The following ACOD1 variants were observed in gnomAD, a reference collection of about 807,000 sequenced individuals.
ACOD1 encodes the protein aconitate decarboxylase 1, also known as cis-aconitate decarboxylase.
Under a neutral mutation model 14.2 loss-of-function variants are expected in ACOD1, and 14 were observed. The ratio of observed to expected loss-of-function variants is 0.99; its 90% CI spans 0.65 to 1.54. The LOEUF (loss-of-function observed/expected upper bound fraction) is 1.54. Among genes scored for constraint, ACOD1 ranks in the 40% most tolerant of loss-of-function variants. ACOD1 has a pLI of 0.00. For synonymous variants in ACOD1, 182 were observed against 221.7 expected (o/e 0.82, Z 1.59); for missense variants, 530 against 586.3 (o/e 0.90, Z 0.99).
In ACOD1 at chr13:76,957,184, C is replaced by A; in HGVS notation, c.645C>A (p.Ala215=). The stretch of plus-strand genomic sequence containing the variant: ...AGCCCCTCCACATTGGCAATGCTGC[C>A]AAGCATGGGATAGAAGCTGCATTTT... ...QTKPLHIGNA[A]KHGIEAAFLA... Residue 215 remains alanine (A), a synonymous_variant, in exon 5 of 5, where the codon GCC becomes GCA. Transcript: ENST00000377462. The A allele has an allele frequency of 6.4e-7, 1 of 1,550,634 alleles. No individual in the cohort carries two copies. The highest frequency in any genetic ancestry group is 8.7e-7 in the Non-Finnish European group (1 of 1,146,998).
intron 3 of ACOD1, among the ~76,000 whole-genome samples, chr13:76,954,353 G>C (rs2033851334): frequency 6.6e-6 from 1 of 152,128 alleles, no homozygotes; most frequent in African/African-American, 2.4e-5. Flanking sequence ...ACCAGTGACA[G>C]CAAATAGATA....
chr13:76,956,870 C>T (rs1296491277), intron 4 of ACOD1, 140 bp from the exon 5 acceptor site: 1 of 939,940 alleles, frequency 1.1e-6, no homozygotes, highest in Non-Finnish European at 1.6e-6. Context: ...TTCCCCAGAT[C>T]ATATAGCTAA....
In ACOD1 at chr13:76,958,000, T is replaced by G; in HGVS notation, c.*15T>G. ...ATCTCTCCTGAGGCTTACCAACATCTAAATGACTTTGCATTTGGGGAGATT... is the reference window on the plus strand; with the variant it reads ...ATCTCTCCTGAGGCTTACCAACATCGAAATGACTTTGCATTTGGGGAGATT... On this transcript the variant is annotated 3_prime_UTR_variant, in exon 5 of 5. Coordinates refer to ENST00000377462, the MANE Select transcript of ACOD1 (RefSeq NM_001258406.2). The G allele has an allele frequency of 6.7e-7, 1 of 1,485,964 alleles. No homozygotes were observed. The highest frequency in any genetic ancestry group is 8.9e-7 in the Non-Finnish European group (1 of 1,121,246). The allele number at this position is 1,485,964 out of a possible 1,614,324, so 92.0% of individuals were successfully genotyped here.
chr13:76,954,849 C>T (rs2033855347), intron 3 of ACOD1, among the ~76,000 whole-genome samples: 1 of 152,088 alleles, frequency 6.6e-6, no homozygotes, highest in South Asian at 2.1e-4. Context: ...CACAGCCAGG[C>T]CAGGTGTGGT....
intron 1 of ACOD1, among the ~76,000 whole-genome samples, chr13:76,950,086 A>C (rs1055077548): frequency 1.2e-4 from 19 of 152,136 alleles, no homozygotes; most frequent in African/African-American, 4.6e-4. Context: ...AGGCTCTGTA[A>C]ATGGGACTAG....
Position 76,957,824 on chromosome 13 carries a change from A to G in ACOD1, c.1285A>G (p.Met429Val), listed in dbSNP as rs536730743. The G allele has an allele frequency of 1.5e-5, 23 of 1,551,104 alleles. No individual in the cohort carries two copies. In the Middle Eastern group the frequency reaches 5.0e-4, roughly 34 times the overall value. Residue 429 changes from methionine to valine, a missense_variant, in exon 5 of 5, where the codon ATG (methionine) becomes GTG (valine). Physicochemically the swap from Met to Val is conservative, Grantham distance 21 (BLOSUM62 1). Coordinates refer to ENST00000377462, the MANE Select transcript of ACOD1 (RefSeq NM_001258406.2). The part of the protein sequence containing the change: ...EEKFRANASK[M>V]LSWDTVESLI... ...AAAGTTCAGAGCCAATGCCTCCAAG[A>G]TGCTGTCCTGGGACACAGTGGAAAG... is the stretch of plus-strand genomic sequence containing the variant.
In ACOD1 at chr13:76,957,572, G is replaced by A; in HGVS notation, c.1033G>A (p.Gly345Ser). ...QYVACAMLLD[G>S]GITVPSFHEC... ...TGTGGCCTGTGCCATGCTGCTTGAT[G>A]GTGGCATCACTGTCCCCTCATTCCA... Residue 345 changes from glycine (G) to serine (S), a missense_variant, in exon 5 of 5, where the codon GGT becomes AGT. Transcript: ENST00000377462. 1 of 1,550,614 alleles carries A rather than the reference G, an allele frequency of 6.4e-7. No homozygotes were observed.
At chr13:76,953,037 G>A (rs1373445896) in intron 2 of ACOD1, among the ~76,000 whole-genome samples, 1 of 152,194 alleles carries the variant, frequency 6.6e-6, no homozygotes, top group East Asian at 1.9e-4. Flanking sequence ...TACTCGGGAG[G>A]CTGAGAGGTG....
chr13:76,953,802 G>A (rs2033846470), intron 3 of ACOD1, 113 bp downstream of exon 3: 2 of 701,264 alleles, frequency 2.9e-6, no homozygotes, highest in African/African-American at 1.8e-5. Flanking sequence ...AGAACTGAAA[G>A]TCAGACAGAT....
chr13:76,958,153 G>T lies in ACOD1; in HGVS notation c.*168G>T, dbSNP rs992024524. 2 of 611,244 alleles carry T rather than the reference G, an allele frequency of 3.3e-6. No homozygotes were observed. Among genetic ancestry groups the T allele is most frequent in the African/African-American group, 1.9e-5 (1 of 53,860 alleles). 37.9% of individuals were successfully genotyped at this position (611,244 alleles called of 1,614,324 possible). On this transcript the variant is annotated 3_prime_UTR_variant, in exon 5 of 5. Transcript: ENST00000377462. ...GAGCCTTCTCCTGAAAATTTTGCAG[G>T]ACAGTTCCACTTACCTAAATCAAGA...
At chr13:76,949,141 C>T (rs961573958) in intron 1 of ACOD1, among the ~76,000 whole-genome samples, 1 of 152,062 alleles carries the variant, frequency 6.6e-6, no homozygotes, top group Non-Finnish European at 1.5e-5. Flanking sequence ...GTGGCAGGCG[C>T]CCGTAGTCCC....
Position 76,955,671 on chromosome 13 carries a change from T to C in ACOD1, c.470+147T>C, listed in dbSNP as rs954706066. The C allele has an allele frequency of 5.3e-5, 36 of 685,342 alleles. No individual in the cohort carries two copies. In the African/African-American group the frequency reaches 6.3e-4, roughly 12 times the overall value. 42.5% of individuals were successfully genotyped at this position (685,342 alleles called of 1,614,324 possible). A position where few individuals can be genotyped will look rare whatever the true frequency, so the allele number is the denominator to read the frequency against. ...TAGATAAGTCAATACACCAGTCACA[T>C]ACGAAACCCTCTATCCACATTTAAA... On this transcript the variant is annotated intron_variant, in intron 4 of 4. Coordinates refer to ENST00000377462, the MANE Select transcript of ACOD1 (RefSeq NM_001258406.2).
At chr13:76,952,351 TTAAAC>T (rs965651419) in intron 1 of ACOD1, 133 bp from the exon 2 acceptor site, 5 of 697,440 alleles carry the variant, frequency 7.2e-6, no homozygotes, top group Non-Finnish European at 1.2e-5. Context: ...TTTTTAGAAA[TTAAAC>T]TAAATCTGAG....
Position 76,957,903 on chromosome 13 carries a change from C to T in ACOD1, c.1364C>T (p.Thr455Ile). 6.4e-7 allele frequency: 1 copy of T among 1,550,626 alleles called. No homozygotes were observed. ...LEDLEDCSVL[T>I]TLLKGPSPPE... ...GACCTAGAAGACTGTTCTGTGTTAACTACACTTCTCAAAGGACCCTCTCCA... is the reference window on the plus strand; with the variant it reads ...GACCTAGAAGACTGTTCTGTGTTAATTACACTTCTCAAAGGACCCTCTCCA... Residue 455 changes from threonine (T) to isoleucine (I), a missense_variant, in exon 5 of 5, where the codon ACT becomes ATT. By Grantham distance (89) the Thr-to-Ile change is moderately conservative (BLOSUM62 -1). Transcript: ENST00000377462.
At chr13:76,952,723 G>A (rs978104202) in intron 2 of ACOD1, 73 bp downstream of exon 2, 15 of 1,298,010 alleles carry the variant, frequency 1.2e-5, no homozygotes, top group Middle Eastern at 2.4e-4. Flanking sequence ...TCTATACTTC[G>A]TTTTATAGAC....
chr13:76,952,589 T>C lies in ACOD1; in HGVS notation c.113T>C (p.Leu38Pro), dbSNP rs2033832912. 1.0e-5 allele frequency: 16 copies of C among 1,550,388 alleles called. No individual in the cohort carries two copies. The highest frequency in any genetic ancestry group is 1.4e-5 in the Non-Finnish European group (16 of 1,146,992). The change falls in exon 2 of 5, where the codon CTG becomes CCG. Residue 38 changes from leucine (L) to proline (P), a missense_variant. By Grantham distance (98) the Leu-to-Pro change is moderately conservative. Transcript: ENST00000377462. ...QRSKRMILDT[L>P]GAGFLGTTTE... Reference sequence around the variant, plus strand: ...AGCAAGAGGATGATTCTAGACACTCTGGGTGCTGGGTTCCTGGGAACCACT... The same window carrying C: ...AGCAAGAGGATGATTCTAGACACTCCGGGTGCTGGGTTCCTGGGAACCACT...
At chr13:76,953,796 C>T (rs1257882017) in intron 3 of ACOD1, 107 bp downstream of exon 3, 3 of 726,756 alleles carry the variant, frequency 4.1e-6, no homozygotes, top group Non-Finnish European at 7.2e-6. Flanking sequence ...GATGAAAGAA[C>T]TGAAAGTCAG....
In ACOD1 at chr13:76,957,027, T is replaced by C; in HGVS notation, c.488T>C (p.Val163Ala). ...CTTTTCAGATTCCATCCCCCTTCCG[T>C]GGTAGGAACGTTGGGTAGTGCTGCT... ...DMPKRFHPPS[V>A]VGTLGSAAAA... The change falls in exon 5 of 5, where the codon GTG becomes GCG. Residue 163 changes from valine (V) to alanine (A), a missense_variant. By Grantham distance (64) the Val-to-Ala change is moderately conservative. Transcript: ENST00000377462. 6.5e-7 allele frequency: 1 copy of C among 1,548,316 alleles called. No homozygotes were observed. The highest frequency in any genetic ancestry group is 8.7e-7 in the Non-Finnish European group (1 of 1,145,582).
chr13:76,952,743 T>G (rs760665362), intron 2 of ACOD1, 93 bp downstream of exon 2: 150 of 977,674 alleles, frequency 1.5e-4, no homozygotes, highest in Non-Finnish European at 2.1e-4. Flanking sequence ...CAGCACTTGA[T>G]GTACATAGCA....
Sources: allele counts gnomAD v4.1 joint callset (sites outside exome capture counted in the v4.1 genomes callset), GRCh38; gene constraint gnomAD v4.1.1; transcripts MANE v1.5; gene names NCBI Gene and HGNC (gene_info 2026-07-23, HGNC 2026-07-21).